Variants in CENPP observed in about 807,000 individuals in gnomAD.
CENPP encodes the protein centromere protein P.
In CENPP, 24 loss-of-function variants were observed where a neutral mutation model predicts 35.6. The ratio of observed to expected loss-of-function variants is 0.67; its 90% CI spans 0.49 to 0.95. CENPP has a LOEUF of 0.95. Among genes scored for constraint, CENPP ranks in the 40% least tolerant of loss-of-function variants. CENPP has a pLI of 0.00. For missense variants in CENPP, 332 were observed against 345.3 expected, an observed-to-expected ratio of 0.96 and a Z score of 0.31; for synonymous variants, 120 against 125.5, an observed-to-expected ratio of 0.96 and a Z score of 0.29.
At chr9:92,599,479 C>T (rs1219703009) in intron 5 of CENPP, among the ~76,000 whole-genome samples, 2 of 152,054 alleles carry the variant, frequency 1.3e-5, no homozygotes, top group East Asian at 1.9e-4. Context: ...TGCAGTGGTG[C>T]GATCTCGGCT....
intron 5 of CENPP, among the ~76,000 whole-genome samples, chr9:92,380,576 A>C (rs140642211): frequency 7.0e-4 from 107 of 152,190 alleles, no homozygotes; most frequent in African/African-American, 2.4e-3. Flanking sequence ...ATTGTTTCTT[A>C]TTATTATTTA....
intron 5 of CENPP, among the ~76,000 whole-genome samples, chr9:92,445,097 G>T (rs540744992): frequency 1.3e-5 from 2 of 152,188 alleles, no homozygotes; most frequent in African/African-American, 4.8e-5. Flanking sequence ...AACCCTCTGG[G>T]CTCCACACCA....
chr9:92,461,504 A>G lies in CENPP; in HGVS notation c.564+81645A>G, dbSNP rs566532018. ...CTCCCTCTTCTTTTGATTTATTTCC[A>G]TATTAATTTGTTTGAGACACTCCTT... On this transcript the variant is annotated intron_variant, in intron 5 of 7. Coordinates refer to ENST00000375587, the MANE Select transcript of CENPP (RefSeq NM_001012267.3). 6.6e-5 allele frequency among the ~76,000 whole-genome samples: 10 copies of G among 152,134 alleles called. No homozygotes were observed. In the South Asian group the frequency reaches 1.2e-3, roughly 19 times the overall value.
intron 5 of CENPP, among the ~76,000 whole-genome samples, chr9:92,596,208 A>G (rs7847918): frequency 1.3e-5 from 2 of 152,098 alleles, no homozygotes; most frequent in African/African-American, 4.8e-5. Context: ...ATTCTAGCTC[A>G]CTGTAGCCCA....
chr9:92,515,258 G>GA (rs1847630624), intron 5 of CENPP: 4 of 1,403,272 alleles, frequency 2.9e-6, no homozygotes, highest in Non-Finnish European at 3.7e-6. Flanking sequence ...ATTAATAAAA[G>GA]AAAAAACCAT....
chr9:92,587,254 G>A (rs929185906), intron 5 of CENPP, among the ~76,000 whole-genome samples: 4 of 152,184 alleles, frequency 2.6e-5, no homozygotes, highest in African/African-American at 9.7e-5. Flanking sequence ...CGAATCACCT[G>A]AGATCAGGAG....
intron 5 of CENPP, chr9:92,385,738 G>A (rs1842392251): frequency 6.2e-7 from 1 of 1,614,062 alleles, no homozygotes; most frequent in Non-Finnish European, 8.5e-7. Context: ...GATGTAACTG[G>A]TGTCATTAGC....
chr9:92,609,326 C>G (rs535402706), intron 5 of CENPP, among the ~76,000 whole-genome samples: 1 of 152,362 alleles, frequency 6.6e-6, no homozygotes, highest in East Asian at 1.9e-4. Flanking sequence ...CTTTGTCATG[C>G]CATTGTCCCC....
intron 5 of CENPP, among the ~76,000 whole-genome samples, chr9:92,433,572 A>G (rs1405046862): frequency 6.6e-6 from 1 of 152,230 alleles, no homozygotes; most frequent in Non-Finnish European, 1.5e-5. Context: ...AAACATTATT[A>G]TTTGTAAAAC....
chr9:92,513,822 T>C (rs1563978432), intron 5 of CENPP, among the ~76,000 whole-genome samples: 1 of 152,206 alleles, frequency 6.6e-6, no homozygotes, highest in Admixed American at 6.5e-5. Context: ...GAATGTCCTA[T>C]ATCTTAATTT....
chr9:92,403,391 G>A (rs1427594284), intron 5 of CENPP: 2 of 1,610,866 alleles, frequency 1.2e-6, no homozygotes, highest in Non-Finnish European at 1.7e-6. Context: ...GAGAAGTGTA[G>A]ACTGCAGAGT....
intron 5 of CENPP, among the ~76,000 whole-genome samples, chr9:92,594,256 C>G (rs1850726077): frequency 6.6e-6 from 1 of 152,144 alleles, no homozygotes; most frequent in Non-Finnish European, 1.5e-5. Context: ...TTAGGGTCAG[C>G]CCACCTCTGG....
chr9:92,430,060 C>T (rs970884079), intron 5 of CENPP, among the ~76,000 whole-genome samples: 1 of 152,122 alleles, frequency 6.6e-6, no homozygotes, highest in African/African-American at 2.4e-5. Context: ...TCCTCAGAGG[C>T]CCTTCCAAGT....
intron 5 of CENPP, among the ~76,000 whole-genome samples, chr9:92,420,175 G>C (rs184181168): frequency 1.2e-4 from 19 of 152,060 alleles, no homozygotes; most frequent in African/African-American, 4.3e-4. Flanking sequence ...TGAGTATTCC[G>C]CACTCAGACC....
At chr9:92,575,837 C>CA (rs1345062443) in intron 5 of CENPP, among the ~76,000 whole-genome samples, 3 of 151,804 alleles carry the variant, frequency 2.0e-5, no homozygotes, top group Non-Finnish European at 2.9e-5. Flanking sequence ...GTCTCCTATC[C>CA]AAAAAACAGA....
chr9:92,416,573 G>T, intron 5 of CENPP: 1 of 1,179,752 alleles, frequency 8.5e-7, no homozygotes, highest in Non-Finnish European at 1.2e-6. Context: ...TAAAAGATCA[G>T]GATTCCATTC....
chr9:92,433,438 T>C (rs770067094), intron 5 of CENPP, among the ~76,000 whole-genome samples: 1 of 152,158 alleles, frequency 6.6e-6, no homozygotes, highest in African/African-American at 2.4e-5. Context: ...CTAATTACAT[T>C]TGAGTTTTTG....
At chr9:92,437,856 C>T (rs1490230088) in intron 5 of CENPP, among the ~76,000 whole-genome samples, 1 of 151,974 alleles carries the variant, frequency 6.6e-6, no homozygotes, top group Non-Finnish European at 1.5e-5. Context: ...ACCTTCCAGG[C>T]TCAAGTGATC....
chr9:92,601,587 G>A (rs539607504), intron 5 of CENPP, among the ~76,000 whole-genome samples: 176 of 152,350 alleles, frequency 1.2e-3, no homozygotes, highest in African/African-American at 3.9e-3. Context: ...GGACAGAGGT[G>A]CCTGGCCTGG....
Sources: gnomAD v4.1 joint callset for allele counts (sites outside exome capture counted in the v4.1 genomes callset) on GRCh38, gnomAD v4.1.1 for gene constraint, MANE v1.5 for transcripts, NCBI Gene and HGNC (gene_info 2026-07-23, HGNC 2026-07-21) for gene names.